Variants in CASR observed in about 807,000 individuals in gnomAD.
CASR encodes calcium sensing receptor, also known as extracellular calcium-sensing receptor.
CASR carries 23 observed loss-of-function variants against 69.1 expected under a neutral mutation model. That is an observed-to-expected ratio of 0.33 (90% CI 0.24 to 0.47). The LOEUF (loss-of-function observed/expected upper bound fraction) is 0.47. Among genes scored for constraint, CASR ranks in the 20% least tolerant of loss-of-function variants. The pLI, the probability that CASR is intolerant of heterozygous loss-of-function variation, is 1.00. For missense variants in CASR, 924 were observed against 1,356.1 expected, an observed-to-expected ratio of 0.68 and a Z score of 5.00; for synonymous variants, 541 against 544.7, an observed-to-expected ratio of 0.99 and a Z score of 0.10.
chr3:122,283,519 G>A (rs750732058), intron 6 of CASR, among the ~76,000 whole-genome samples, 168 bp from the exon 7 acceptor site: 64 of 152,126 alleles, frequency 4.2e-4, no homozygotes, highest in Admixed American at 1.0e-3. Context: ...AAACATGTCG[G>A]GGTTCAGCAT....
At chr3:122,242,509 T>C (rs529377706) in intron 1 of CASR, among the ~76,000 whole-genome samples, 89 of 152,030 alleles carry the variant, frequency 5.9e-4, no homozygotes, top group Non-Finnish European at 9.0e-4. Flanking sequence ...TATAAAACAC[T>C]GATGAAAGAA....
chr3:122,217,076 A>G (rs1043126446), intron 1 of CASR, among the ~76,000 whole-genome samples: 1 of 151,794 alleles, frequency 6.6e-6, no homozygotes, highest in African/African-American at 2.4e-5. Context: ...TTTGTCTAGA[A>G]CTTGTTTTGA....
intron 4 of CASR, among the ~76,000 whole-genome samples, chr3:122,269,294 G>C (rs983019491): frequency 6.6e-6 from 1 of 152,204 alleles, no homozygotes; most frequent in Non-Finnish European, 1.5e-5. Context: ...AGACATTACT[G>C]TCTGCATCTG....
At chr3:122,200,576 C>A in intron 1 of CASR, among the ~76,000 whole-genome samples, 1 of 152,102 alleles carries the variant, frequency 6.6e-6, no homozygotes, top group East Asian at 1.9e-4. Context: ...GTAGTTTATT[C>A]ATTTTTACTG....
In CASR at chr3:122,282,223, T is replaced by C. The variant is rs1217989166; in HGVS notation, c.1719T>C (p.Tyr573=). 1.2e-6 allele frequency: 2 copies of C among 1,614,010 alleles called. No individual in the cohort carries two copies. The highest frequency in any genetic ancestry group is 1.1e-5 in the South Asian group (1 of 91,072). The stretch of plus-strand genomic sequence containing the variant: ...GTGTGGAGTGTCCTGATGGGGAGTA[T>C]AGTGATGAGACAGGTAAGGGAACCC... ...FECVECPDGE[Y]SDETDASACN... is the part of the protein sequence containing the mutation. Residue 573 remains tyrosine (Y), a synonymous_variant, in exon 6 of 7, where the codon TAT becomes TAC. Coordinates refer to ENST00000639785, the MANE Select transcript of CASR (RefSeq NM_000388.4).
rs372504955 is a variant in CASR at position 122,275,963 on chromosome 3, A to G, written c.1529A>G (p.Tyr510Cys). The change falls in exon 5 of 7, where the codon TAT becomes TGT. Residue 510 changes from tyrosine (Y) to cysteine (C), a missense_variant. Physicochemically the swap from Tyr to Cys is radical, Grantham distance 194. Coordinates refer to ENST00000639785, the MANE Select transcript of CASR (RefSeq NM_000388.4). ...DGSIVFKEVG[Y>C]YNVYAKKGER... The stretch of plus-strand genomic sequence containing the variant: ...TCCATCGTGTTTAAGGAAGTCGGGT[A>G]TTACAACGTCTATGCCAAGAAGGGA... 7 of 1,614,006 alleles carry G rather than the reference A, an allele frequency of 4.3e-6. No individual in the cohort carries two copies. In the African/African-American group the frequency reaches 9.3e-5, roughly 22 times the overall value.
Position 122,285,295 on chromosome 3 carries a change from A to G in CASR, c.*104A>G. 9.6e-7 allele frequency: 1 copy of G among 1,037,994 alleles called. No homozygotes were observed. Among genetic ancestry groups the G allele is most frequent in the Non-Finnish European group, 1.5e-6 (1 of 667,456 alleles). 64.3% of individuals were successfully genotyped at this position (1,037,994 alleles called of 1,614,324 possible). A position where few individuals can be genotyped will look rare whatever the true frequency, so the allele number is the denominator to read the frequency against. ...CCTTTCCTCTGAGGAAGAAGGGATA[A>G]TAGACACATCAAATGCCCCGAATTT... On this transcript the variant is annotated 3_prime_UTR_variant, in exon 7 of 7. Coordinates refer to ENST00000639785, the MANE Select transcript of CASR (RefSeq NM_000388.4).
At chr3:122,210,070 T>C (rs1386107061) in intron 1 of CASR, among the ~76,000 whole-genome samples, 1 of 152,146 alleles carries the variant, frequency 6.6e-6, no homozygotes, top group African/African-American at 2.4e-5. Flanking sequence ...ATAAACTAGG[T>C]ATTGATGGAA....
chr3:122,226,416 AG>A (rs1441977799), intron 1 of CASR, among the ~76,000 whole-genome samples: 7 of 152,194 alleles, frequency 4.6e-5, no homozygotes, highest in African/African-American at 1.7e-4. Context: ...TCATAAAGGC[AG>A]TGTGAACCCA....
intron 1 of CASR, among the ~76,000 whole-genome samples, chr3:122,190,023 C>A (rs2073824427): frequency 6.6e-6 from 1 of 152,182 alleles, no homozygotes; most frequent in Non-Finnish European, 1.5e-5. Context: ...CCCAGATCTC[C>A]AGTCTGGTAG....
At chr3:122,209,196 C>T (rs568127460) in intron 1 of CASR, among the ~76,000 whole-genome samples, 86 of 152,116 alleles carry the variant, frequency 5.7e-4, no homozygotes, top group African/African-American at 2.0e-3. Flanking sequence ...TCCTAGAGTC[C>T]ACACTTTGAA....
In CASR at chr3:122,261,980, C is replaced by G. The variant is rs1053891124; in HGVS notation, c.945C>G (p.Gly315=). 1 of 1,614,072 alleles carries G rather than the reference C, an allele frequency of 6.2e-7. No homozygotes were observed. Among genetic ancestry groups the G allele is most frequent in the African/African-American group, 1.3e-5 (1 of 74,916 alleles). The change falls in exon 4 of 7, where the codon GGC becomes GGG. Residue 315 remains glycine, a synonymous_variant. Coordinates refer to ENST00000639785, the MANE Select transcript of CASR (RefSeq NM_000388.4). ...IAMPQYFHVV[G]GTIGFALKAG... ...TGCCTCAGTACTTCCACGTGGTTGG[C>G]GGCACCATTGGATTCGCTCTGAAGG...
At chr3:122,272,263 A>G (rs1423759208) in intron 4 of CASR, among the ~76,000 whole-genome samples, 1 of 152,150 alleles carries the variant, frequency 6.6e-6, no homozygotes, top group African/African-American at 2.4e-5. Context: ...CTACGTTTCA[A>G]TCAGCCCTGT....
rs2074525461 is a variant in CASR, at chr3:122,254,028, G to A, written c.-162G>A. The A allele has an allele frequency of 2.6e-6, 2 of 761,752 alleles. No homozygotes were observed. The highest frequency in any genetic ancestry group is 4.6e-6 in the Non-Finnish European group (2 of 433,728). The allele number at this position is 761,752 out of a possible 1,614,324, so 47.2% of individuals were successfully genotyped here. On this transcript the variant is annotated 5_prime_UTR_variant, in exon 2 of 7. Transcript: ENST00000639785. The stretch of plus-strand genomic sequence containing the variant: ...CACATTACAAGTCTGGATTGAGGAA[G>A]GCAGAAATGGAGATTCAAACACCAC...
intron 1 of CASR, among the ~76,000 whole-genome samples, chr3:122,202,104 G>T (rs9821128): frequency 2.6e-5 from 4 of 151,746 alleles, no homozygotes; most frequent in African/African-American, 9.7e-5. Flanking sequence ...CCGAGATCAC[G>T]CCACTGCACT....
At chr3:122,204,496 G>A (rs747623418) in intron 1 of CASR, among the ~76,000 whole-genome samples, 1 of 152,072 alleles carries the variant, frequency 6.6e-6, no homozygotes, top group Non-Finnish European at 1.5e-5. Flanking sequence ...GGCACTTCAG[G>A]TTGATTCCAT....
intron 1 of CASR, among the ~76,000 whole-genome samples, chr3:122,248,947 A>G (rs2074455367): frequency 6.6e-6 from 1 of 152,198 alleles, no homozygotes; most frequent in African/African-American, 2.4e-5. Context: ...AGACATTTTT[A>G]GAGCATCCAT....
intron 4 of CASR, among the ~76,000 whole-genome samples, chr3:122,268,237 A>G (rs767382282): frequency 2.0e-5 from 3 of 152,240 alleles, no homozygotes; most frequent in Non-Finnish European, 4.4e-5. Context: ...AGTGCTTAGG[A>G]TAGTGCCTAT....
chr3:122,256,916 C>T (rs556074075), intron 2 of CASR, among the ~76,000 whole-genome samples, 165 bp from the exon 3 acceptor site: 27 of 152,282 alleles, frequency 1.8e-4, no homozygotes, highest in African/African-American at 6.0e-4. Flanking sequence ...CCACCACGCC[C>T]GGCCATGTCA....
Sources: allele counts gnomAD v4.1 joint callset (sites outside exome capture counted in the v4.1 genomes callset), GRCh38; gene constraint gnomAD v4.1.1; transcripts MANE v1.5; gene names NCBI Gene and HGNC (gene_info 2026-07-23, HGNC 2026-07-21).